The following ZFPM2 variants were observed in gnomAD, a reference collection of about 807,000 sequenced individuals.
The protein encoded by ZFPM2 is zinc finger protein ZFPM2.
ZFPM2 carries 20 observed loss-of-function variants against 98.6 expected under a neutral mutation model. The ratio of observed to expected loss-of-function variants is 0.20; its 90% CI spans 0.14 to 0.29. ZFPM2 has a LOEUF of 0.29. Among genes scored for constraint, ZFPM2 ranks in the 10% least tolerant of loss-of-function variants. ZFPM2 has a pLI of 1.00. For synonymous variants in ZFPM2, 518 were observed against 502.7 expected, an observed-to-expected ratio of 1.03 and a Z score of -0.41; for missense variants, 1,310 against 1,388.6, an observed-to-expected ratio of 0.94 and a Z score of 0.90.
intron 2 of ZFPM2, among the ~76,000 whole-genome samples, chr8:105,425,059 A>G (rs1221779462): frequency 1.3e-5 from 2 of 152,108 alleles, no homozygotes; most frequent in Non-Finnish European, 2.9e-5. Flanking sequence ...TGCAGTACCT[A>G]TGAGGTTAGT....
At chr8:105,568,774 A>G (rs1020585413) in intron 4 of ZFPM2, among the ~76,000 whole-genome samples, 1 of 152,164 alleles carries the variant, frequency 6.6e-6, no homozygotes, top group African/African-American at 2.4e-5. Flanking sequence ...GGGCACGAGA[A>G]TACCCCAAGG....
chr8:105,642,301 A>G (rs1217519020), intron 5 of ZFPM2, among the ~76,000 whole-genome samples: 1 of 152,174 alleles, frequency 6.6e-6, no homozygotes, highest in Admixed American at 6.6e-5. Flanking sequence ...ACAGGAAGAC[A>G]TACTGGAAAG....
chr8:105,414,457 G>A (rs567256843), intron 1 of ZFPM2, among the ~76,000 whole-genome samples: 2 of 152,078 alleles, frequency 1.3e-5, no homozygotes, highest in Admixed American at 6.6e-5. Flanking sequence ...AGTTATTATT[G>A]AGACAATGTC....
At chr8:105,604,699 C>T (rs1274955152) in intron 4 of ZFPM2, among the ~76,000 whole-genome samples, 1 of 152,038 alleles carries the variant, frequency 6.6e-6, no homozygotes, top group Non-Finnish European at 1.5e-5. Context: ...CTTCATATGG[C>T]TCACTCCTTG....
chr8:105,623,930 T>C (rs1816604094), intron 4 of ZFPM2, among the ~76,000 whole-genome samples: 1 of 152,144 alleles, frequency 6.6e-6, no homozygotes, highest in Non-Finnish European at 1.5e-5. Context: ...CCAATGCAAA[T>C]AGTAAAGCTT....
At chr8:105,710,705 GTGTGTGT>G (rs1811369704) in intron 5 of ZFPM2, among the ~76,000 whole-genome samples, 1 of 148,958 alleles carries the variant, frequency 6.7e-6, no homozygotes, top group Non-Finnish European at 1.5e-5. Flanking sequence ...GTGTGTGTAT[GTGTGTGT>G]GGGGGGGTGT....
At chr8:105,623,655 GATGACTT>G (rs1816598665) in intron 4 of ZFPM2, among the ~76,000 whole-genome samples, 1 of 152,148 alleles carries the variant, frequency 6.6e-6, no homozygotes, top group Non-Finnish European at 1.5e-5. Context: ...AGCGTCTGAA[GATGACTT>G]TGTGCAGGGT....
At chr8:105,556,685 T>TTTCCCCC (rs1814999189) in intron 3 of ZFPM2, among the ~76,000 whole-genome samples, 1 of 128,550 alleles carries the variant, frequency 7.8e-6, no homozygotes. Context: ...CCCCTTCCCT[T>TTTCCCCC]TTCCCCCTTC....
chr8:105,488,733 C>T (rs573633854), intron 3 of ZFPM2, among the ~76,000 whole-genome samples: 3 of 152,216 alleles, frequency 2.0e-5, no homozygotes, highest in Non-Finnish European at 2.9e-5. Context: ...CACTGCACTC[C>T]AGCCTGGGTG....
chr8:105,742,786 T>G (rs1487352367), intron 5 of ZFPM2, among the ~76,000 whole-genome samples: 1 of 151,946 alleles, frequency 6.6e-6, no homozygotes, highest in Non-Finnish European at 1.5e-5. Context: ...CCAGCCACTC[T>G]GGAGGCTGAG....
Position 105,389,762 on chromosome 8 carries a change from G to A in ZFPM2, c.41-29382G>A, listed in dbSNP as rs191066676. 2.6e-5 allele frequency among the ~76,000 whole-genome samples: 4 copies of A among 152,272 alleles called. No homozygotes were observed. The East Asian group carries it at 7.7e-4, about 29-fold the overall frequency. ...TAGTAACAAGAAAGCTTGAGACAAGGTAAGACGTGATCATAGCTATGTCTG... is the reference window on the plus strand; with the variant it reads ...TAGTAACAAGAAAGCTTGAGACAAGATAAGACGTGATCATAGCTATGTCTG... On this transcript the variant is annotated intron_variant, in intron 1 of 7. Transcript: ENST00000407775.
At chr8:105,533,486 G>A (rs80043191) in intron 3 of ZFPM2, among the ~76,000 whole-genome samples, 5,093 of 152,172 alleles carry the variant, frequency 0.033, 128 homozygotes, top group African/African-American at 0.061. Flanking sequence ...ATCTGGAAGA[G>A]TACTATATAA....
chr8:105,631,657 T>A (rs1816757351), intron 4 of ZFPM2, among the ~76,000 whole-genome samples: 1 of 152,168 alleles, frequency 6.6e-6, no homozygotes, highest in Non-Finnish European at 1.5e-5. Flanking sequence ...CATGGTACTT[T>A]TCACATTATA....
intron 3 of ZFPM2, among the ~76,000 whole-genome samples, chr8:105,484,188 T>C (rs1301709602): frequency 6.6e-6 from 1 of 152,146 alleles, no homozygotes; most frequent in East Asian, 1.9e-4. Flanking sequence ...CTTTAGACAT[T>C]ATTTCTTCAA....
chr8:105,673,187 CTTTTTTT>C (rs5893754), intron 5 of ZFPM2, among the ~76,000 whole-genome samples: 6 of 87,528 alleles, frequency 6.9e-5, no homozygotes, highest in African/African-American at 2.9e-4. Flanking sequence ...AAATAGCATG[CTTTTTTT>C]TTTTTTTTTT....
chr8:105,343,133 A>G (rs1396128813), intron 1 of ZFPM2, among the ~76,000 whole-genome samples: 1 of 152,166 alleles, frequency 6.6e-6, no homozygotes, highest in Non-Finnish European at 1.5e-5. Context: ...ACATTTAATA[A>G]CAATATAGAT....
chr8:105,482,878 T>TTTCC (rs370906130), intron 3 of ZFPM2, among the ~76,000 whole-genome samples: 13 of 151,586 alleles, frequency 8.6e-5, no homozygotes, highest in East Asian at 1.9e-4. Context: ...TTAATCTTTC[T>TTTCC]TTCCTTCCTT....
chr8:105,411,549 TA>T (rs1433586850), intron 1 of ZFPM2, among the ~76,000 whole-genome samples: 2 of 151,988 alleles, frequency 1.3e-5, no homozygotes, highest in South Asian at 4.1e-4. Context: ...AGCTAATATA[TA>T]ATGCCTTTCA....
At chr8:105,598,431 A>C (rs6999963) in intron 4 of ZFPM2, among the ~76,000 whole-genome samples, 98,342 of 152,018 alleles carry the variant, frequency 0.65, 32,553 homozygotes, top group Middle Eastern at 0.81. Flanking sequence ...CTTAGAATAT[A>C]TGCTTGCCAA....
Sources: allele counts gnomAD v4.1 joint callset (sites outside exome capture counted in the v4.1 genomes callset), GRCh38; gene constraint gnomAD v4.1.1; transcripts MANE v1.5; gene names NCBI Gene and HGNC (gene_info 2026-07-23, HGNC 2026-07-21).